CLVS1: variants seen among roughly 807,000 people sequenced by gnomAD.
The protein encoded by CLVS1 is clavesin-1.
In CLVS1, 10 loss-of-function variants were observed where a neutral mutation model predicts 33.1. The ratio of observed to expected loss-of-function variants is 0.30; its 90% CI spans 0.19 to 0.51. The LOEUF is 0.51. Among genes scored for constraint, CLVS1 ranks in the 20% least tolerant of loss-of-function variants. CLVS1 has a pLI of 0.97. For synonymous variants in CLVS1, 163 were observed against 166.1 expected (o/e 0.98, Z 0.14); for missense variants, 343 against 433.4 (o/e 0.79, Z 1.85).
chr8:61,013,365 G>GT, the CLVS1 span, among the ~76,000 whole-genome samples: 14 of 151,258 alleles, frequency 9.3e-5, no homozygotes, highest in Admixed American at 4.6e-4. Context: ...CTGAGAATGT[G>GT]TTTCAGGGCT....
intron 2 of CLVS1, among the ~76,000 whole-genome samples, chr8:61,330,519 G>A (rs1402192915): frequency 6.6e-6 from 1 of 152,172 alleles, no homozygotes; most frequent in Non-Finnish European, 1.5e-5. Flanking sequence ...CAGTGTGTGT[G>A]CACTAAAGAT....
Position 61,082,312 on chromosome 8 carries a change from A to G in CLVS1, c.-243+25082A>G, listed in dbSNP as rs547673372. 1.3e-3 allele frequency among the ~76,000 whole-genome samples: 201 copies of G among 152,316 alleles called. 2 individuals carry two copies. The highest frequency in any genetic ancestry group is 4.5e-3 in the African/African-American group (188 of 41,564). ...ATGTAAGAGTTGTAGGACAATTACAAAAGATGTAATACGTAATGGAAATAC... is the reference window on the plus strand; with the variant it reads ...ATGTAAGAGTTGTAGGACAATTACAGAAGATGTAATACGTAATGGAAATAC... On this transcript the variant is annotated intron_variant, in intron 1 of 2. Transcript: ENST00000522621.
At chr8:61,324,307 A>C (rs904651463) in intron 2 of CLVS1, among the ~76,000 whole-genome samples, 2 of 151,822 alleles carry the variant, frequency 1.3e-5, no homozygotes, top group East Asian at 3.9e-4. Flanking sequence ...AAGTCTCATG[A>C]GATTGGATGG....
chr8:61,092,625 C>T (rs758983328), intron 1 of CLVS1, among the ~76,000 whole-genome samples: 1 of 152,188 alleles, frequency 6.6e-6, no homozygotes, highest in African/African-American at 2.4e-5. Flanking sequence ...GGCCCCTTCT[C>T]CATTTCCAGG....
chr8:61,412,131 TG>T (rs1157929199), intron 3 of CLVS1, among the ~76,000 whole-genome samples: 1 of 152,156 alleles, frequency 6.6e-6, no homozygotes, highest in East Asian at 1.9e-4. Flanking sequence ...CACTAGGTCC[TG>T]GGGATAAAAT....
intron 3 of CLVS1, among the ~76,000 whole-genome samples, chr8:61,391,589 T>A (rs1814306323): frequency 6.6e-6 from 1 of 152,224 alleles, no homozygotes. Context: ...AGATGTTTAA[T>A]GGATAATATT....
intron 2 of CLVS1, chr8:61,300,493 T>C: frequency 2.0e-6 from 1 of 489,166 alleles, no homozygotes; most frequent in Non-Finnish European, 3.6e-6. Context: ...TAAGAGACCT[T>C]AGAAGTCATT....
At chr8:61,458,077 C>T (rs762660126) in intron 4 of CLVS1, among the ~76,000 whole-genome samples, 3 of 152,202 alleles carry the variant, frequency 2.0e-5, no homozygotes, top group Non-Finnish European at 4.4e-5. Flanking sequence ...AAGTAATGCT[C>T]AATCTGTTCA....
intron 3 of CLVS1, among the ~76,000 whole-genome samples, chr8:61,411,376 G>A (rs1815216569): frequency 6.6e-6 from 1 of 152,146 alleles, no homozygotes; most frequent in Non-Finnish European, 1.5e-5. Context: ...TAACACAGAA[G>A]CAAGGCTCTA....
chr8:61,192,168 C>T lies in CLVS1; in HGVS notation c.-152+60308C>T, dbSNP rs898101038. Among the ~76,000 whole-genome samples, 8 of 152,166 alleles carry T rather than the reference C, an allele frequency of 5.3e-5. 1 individual carries two copies. Among genetic ancestry groups the T allele is most frequent in the Middle Eastern group, 3.4e-3 (1 of 294 alleles). Reference sequence around the variant, plus strand: ...TAACCAAAACAGCATGGTACTGGTACCAAAATAGAGATATAGACCAATGGA... The same window carrying T: ...TAACCAAAACAGCATGGTACTGGTATCAAAATAGAGATATAGACCAATGGA... On this transcript the variant is annotated intron_variant, in intron 2 of 2. Coordinates refer to the CLVS1 transcript ENST00000522621.
the CLVS1 span, among the ~76,000 whole-genome samples, chr8:61,018,981 G>T: frequency 6.6e-6 from 1 of 152,222 alleles, no homozygotes; most frequent in African/African-American, 2.4e-5. Flanking sequence ...CTTACATGGT[G>T]TGTCCACAAC....
intron 2 of CLVS1, among the ~76,000 whole-genome samples, chr8:61,303,192 A>G (rs1015008502): frequency 1.3e-5 from 2 of 152,244 alleles, no homozygotes; most frequent in African/African-American, 4.8e-5. Context: ...GGGGACACAC[A>G]CATAAAGAAA....
chr8:61,416,305 GATAC>G (rs61146034), intron 3 of CLVS1, among the ~76,000 whole-genome samples: 3,581 of 106,872 alleles, frequency 0.034, 61 homozygotes, highest in African/African-American at 0.077. Flanking sequence ...TAGCTAGCTA[GATAC>G]ATACATACAT....
At chr8:60,975,560 C>T in the CLVS1 span, among the ~76,000 whole-genome samples, 1 of 152,162 alleles carries the variant, frequency 6.6e-6, no homozygotes, top group Admixed American at 6.5e-5. Flanking sequence ...TTTCCTGGAG[C>T]CCCCAGATGC....
chr8:61,248,130 T>C (rs1479432292), intron 2 of CLVS1, among the ~76,000 whole-genome samples: 1 of 152,174 alleles, frequency 6.6e-6, no homozygotes, highest in Non-Finnish European at 1.5e-5. Context: ...TTCTATTCTG[T>C]TAAATTGGTT....
intron 5 of CLVS1, among the ~76,000 whole-genome samples, chr8:61,471,722 C>T (rs574098677): frequency 3.9e-5 from 6 of 152,328 alleles, no homozygotes; most frequent in South Asian, 4.1e-4. Context: ...GCCCTCATTC[C>T]CCACTTGCCA....
intron 2 of CLVS1, among the ~76,000 whole-genome samples, chr8:61,166,508 AT>A: frequency 6.6e-6 from 1 of 151,374 alleles, no homozygotes; most frequent in Middle Eastern, 3.4e-3. Context: ...TAAATTTAAA[AT>A]TTTAAATTTC....
intron 2 of CLVS1, among the ~76,000 whole-genome samples, chr8:61,233,465 T>C (rs1186493092): frequency 1.4e-5 from 2 of 146,096 alleles, no homozygotes; most frequent in East Asian, 4.1e-4. Flanking sequence ...AAAGAACCCG[T>C]AGCTTTTTGT....
chr8:61,058,090 A>G (rs951642485), intron 1 of CLVS1, among the ~76,000 whole-genome samples: 26 of 152,258 alleles, frequency 1.7e-4, no homozygotes, highest in Admixed American at 1.6e-3. Flanking sequence ...CATATAGTAT[A>G]TGACCAAAGC....
Sources: gnomAD v4.1 joint callset for allele counts (sites outside exome capture counted in the v4.1 genomes callset) on GRCh38, gnomAD v4.1.1 for gene constraint, MANE v1.5 for transcripts, NCBI Gene and HGNC (gene_info 2026-07-23, HGNC 2026-07-21) for gene names.